RAI2: variants seen among roughly 807,000 people sequenced by gnomAD.
RAI2 encodes the protein retinoic acid-induced protein 2.
RAI2 carries 5 observed loss-of-function variants against 15.3 expected under a neutral mutation model. The observed-to-expected ratio is 0.33, with a 90% CI of 0.17 to 0.69. The LOEUF (loss-of-function observed/expected upper bound fraction) is 0.69. Ranked by LOEUF, RAI2 falls within the 30% of genes least tolerant of loss-of-function variation. The pLI is 0.69. For synonymous variants in RAI2, 191 were observed against 184.0 expected, an observed-to-expected ratio of 1.04 and a Z score of -0.31; for missense variants, 424 against 424.7, an observed-to-expected ratio of 1.00 and a Z score of 0.01.
chrX:17,836,923 G>A (rs915976672), intron 1 of RAI2, among the ~76,000 whole-genome samples: 10 of 112,147 alleles, frequency 8.9e-5, no homozygotes, highest in Admixed American at 4.7e-4. Flanking sequence ...TTCAGGATGC[G>A]TTAATAAGCA....
At chrX:17,857,675 A>C (rs1352059537) in intron 1 of RAI2, among the ~76,000 whole-genome samples, 3 of 110,393 alleles carry the variant, frequency 2.7e-5, no homozygotes, top group Non-Finnish European at 5.7e-5. Context: ...CAAACGTACA[A>C]ATCTCTGGAT....
intron 1 of RAI2, among the ~76,000 whole-genome samples, chrX:17,813,085 T>A (rs2067066879): frequency 9.0e-6 from 1 of 111,467 alleles, no homozygotes; most frequent in Admixed American, 9.5e-5. Flanking sequence ...CAAGTCTGAG[T>A]ACTGCAAGTA....
At chrX:17,803,795 G>A (rs757388338) in intron 1 of RAI2, among the ~76,000 whole-genome samples, 4 of 111,642 alleles carry the variant, frequency 3.6e-5, no homozygotes, top group Non-Finnish European at 7.5e-5. Flanking sequence ...GACCCAGCAT[G>A]CTGGCCAGTA....
chrX:17,800,551 G>A lies in RAI2; in HGVS notation c.1460C>T (p.Ser487Phe). 8.3e-7 allele frequency: 1 copy of A among 1,210,795 alleles called. No homozygotes were observed. The highest frequency in any genetic ancestry group is 1.1e-6 in the Non-Finnish European group (1 of 894,733). ...GYDINSQGEE[S>F]MGNAEPLRKP... The stretch of plus-strand genomic sequence containing the variant: ...CCTAAGGGGCTCTGCATTTCCCATG[G>A]ACTCTTCCCCTTGGCTGTTGATGTC... The change falls in exon 2 of 2, where the codon TCC becomes TTC. Residue 487 changes from serine (S) to phenylalanine (F), a missense_variant. Ser to Phe is a radical substitution (Grantham distance 155). Transcript: ENST00000451717.
At chrX:17,806,351 C>T (rs1446061719) in intron 1 of RAI2, among the ~76,000 whole-genome samples, 1 of 112,112 alleles carries the variant, frequency 8.9e-6, no homozygotes, top group Admixed American at 9.4e-5. Flanking sequence ...ATTTCGTTTG[C>T]GTTTTGCAAA....
rs374043125 is a variant in RAI2, at chrX:17,802,136, C to A, written c.-24-102G>T. ...TAGAAAGTTTCCACGTTTTAGTTAA[C>A]CAGGGAGCATAACCCATCTCTCTAT... On this transcript the variant is annotated intron_variant, in intron 1 of 1. Coordinates refer to ENST00000451717, the MANE Select transcript of RAI2 (RefSeq NM_021785.6). The A allele has an allele frequency of 8.1e-6, 8 of 983,907 alleles. No individual in the cohort carries two copies. In the East Asian group the frequency reaches 9.5e-5, roughly 12 times the overall value. The allele number at this position is 983,907 out of a possible 1,213,427, so 81.1% of individuals were successfully genotyped here. A position where few individuals can be genotyped will look rare whatever the true frequency, so the allele number is the denominator to read the frequency against.
In RAI2 at chrX:17,861,142, A is replaced by G. The variant is rs1242918388; in HGVS notation, c.-69T>C. ...CCTCCAGGAAGCCGCGGGGTGGTCGAGTGTGCTGGAACTCTCCGGTCTGGC... is the reference window on the plus strand; with the variant it reads ...CCTCCAGGAAGCCGCGGGGTGGTCGGGTGTGCTGGAACTCTCCGGTCTGGC... On this transcript the variant is annotated 5_prime_UTR_variant, in exon 1 of 2. Coordinates refer to ENST00000451717, the MANE Select transcript of RAI2 (RefSeq NM_021785.6). 1 of 105,467 alleles carries G rather than the reference A, an allele frequency of 9.5e-6. No individual in the cohort carries two copies. The highest frequency in any genetic ancestry group is 2.0e-5 in the Non-Finnish European group (1 of 50,800). 8.7% of individuals were successfully genotyped at this position (105,467 alleles called of 1,213,427 possible).
chrX:17,800,630 C>G lies in RAI2; in HGVS notation c.1381G>C (p.Val461Leu), dbSNP rs775889782. The G allele has an allele frequency of 3.3e-6, 4 of 1,211,544 alleles. No individual in the cohort carries two copies. In the South Asian group the frequency reaches 5.3e-5, roughly 16 times the overall value. ...TTGAAGGAGAAGTTTTTGGTGGACA[C>G]CCCTGAGAGGCCTTTGATCTTGCCA... ...FCGKIKGLSG[V>L]STKNFSFKRE... Residue 461 changes from valine (V) to leucine (L), a missense_variant, in exon 2 of 2, where the codon GTG (valine) becomes CTG (leucine). By Grantham distance (32) the Val-to-Leu change is conservative. Transcript: ENST00000451717.
intron 1 of RAI2, among the ~76,000 whole-genome samples, chrX:17,810,749 G>A (rs1398661130): frequency 2.7e-5 from 3 of 112,644 alleles, no homozygotes; most frequent in Non-Finnish European, 3.8e-5. Context: ...CAGCCTGCCC[G>A]CAAAGGATCT....
intron 1 of RAI2, among the ~76,000 whole-genome samples, chrX:17,828,657 C>A (rs974045661): frequency 9.0e-6 from 1 of 111,587 alleles, no homozygotes; most frequent in Non-Finnish European, 1.9e-5. Flanking sequence ...CCAAGCTGGA[C>A]CCCAGGGCAG....
chrX:17,860,275 G>C (rs2067670748), intron 1 of RAI2, among the ~76,000 whole-genome samples: 1 of 112,588 alleles, frequency 8.9e-6, no homozygotes, highest in African/African-American at 3.2e-5. Flanking sequence ...ACAATAGTCG[G>C]GCTTTAAATG....
intron 1 of RAI2, among the ~76,000 whole-genome samples, chrX:17,854,007 C>G (rs550469560): frequency 1.8e-5 from 2 of 111,691 alleles, no homozygotes; most frequent in Admixed American, 1.9e-4. Context: ...TATTCTTTCC[C>G]GTTTTTTGCT....
intron 1 of RAI2, 139 bp from the exon 2 acceptor site, chrX:17,802,173 G>T: frequency 1.3e-6 from 1 of 759,594 alleles, no homozygotes; most frequent in Non-Finnish European, 1.8e-6. Flanking sequence ...TATATGTTCA[G>T]GTTATAGATA....
intron 1 of RAI2, among the ~76,000 whole-genome samples, chrX:17,838,782 A>G (rs1476006653): frequency 2.7e-5 from 3 of 111,254 alleles, no homozygotes; most frequent in Non-Finnish European, 5.7e-5. Context: ...TGCTGCTGCA[A>G]CACACCTCAC....
At chrX:17,804,943 C>T (rs1020190375) in intron 1 of RAI2, among the ~76,000 whole-genome samples, 14 of 113,017 alleles carry the variant, frequency 1.2e-4, no homozygotes, top group East Asian at 5.6e-4. Flanking sequence ...CCAGGGCAGG[C>T]GGCCTCCCTC....
intron 1 of RAI2, among the ~76,000 whole-genome samples, chrX:17,851,463 G>GT (rs779045947): frequency 8.9e-6 from 1 of 112,095 alleles, no homozygotes; most frequent in Non-Finnish European, 1.9e-5. Context: ...AATAGGAAAT[G>GT]TAACTCTGTA....
intron 1 of RAI2, among the ~76,000 whole-genome samples, chrX:17,859,514 C>T (rs967767033): frequency 1.8e-5 from 2 of 112,776 alleles, no homozygotes; most frequent in African/African-American, 6.4e-5. Context: ...CCAAATGAAA[C>T]AGACAGAGCC....
intron 1 of RAI2, among the ~76,000 whole-genome samples, chrX:17,815,743 C>T (rs1399348286): frequency 1.8e-5 from 2 of 111,308 alleles, no homozygotes; most frequent in African/African-American, 6.5e-5. Context: ...AAAGTAATTG[C>T]GGTTTTTGCC....
chrX:17,830,900 T>C lies in RAI2; in HGVS notation c.-24-28866A>G, dbSNP rs1008686368. Among the ~76,000 whole-genome samples the C allele has an allele frequency of 2.7e-5, 3 of 112,303 alleles. No homozygotes were observed. In the East Asian group the frequency reaches 8.4e-4, roughly 31 times the overall value. On this transcript the variant is annotated intron_variant, in intron 1 of 1. Coordinates refer to ENST00000451717, the MANE Select transcript of RAI2 (RefSeq NM_021785.6). Reference sequence around the variant, plus strand: ...AGTTTGTGAGTATCTTTGTTTTAATTGAATGATGATAAAGGTAGAGAAAGA... The same window carrying C: ...AGTTTGTGAGTATCTTTGTTTTAATCGAATGATGATAAAGGTAGAGAAAGA...
Sources: allele counts gnomAD v4.1 joint callset (sites outside exome capture counted in the v4.1 genomes callset), GRCh38; gene constraint gnomAD v4.1.1; transcripts MANE v1.5; gene names NCBI Gene and HGNC (gene_info 2026-07-23, HGNC 2026-07-21).